Variants in CTNNA3 observed in about 807,000 individuals in gnomAD.
CTNNA3 encodes catenin alpha 3.
A neutral mutation model predicts 95.7 loss-of-function variants in CTNNA3; 76 were observed. That is an observed-to-expected ratio of 0.79 (90% CI 0.66 to 0.96). The LOEUF is 0.96. CTNNA3 is among the 40% of genes least tolerant of loss of function. The probability of loss-of-function intolerance (pLI) is 0.00; values close to 1 mark genes in which losing one functional copy is unlikely to be tolerated. For synonymous variants in CTNNA3, 431 were observed against 374.4 expected, an observed-to-expected ratio of 1.15 and a Z score of -1.74; for missense variants, 1,191 against 1,089.8, an observed-to-expected ratio of 1.09 and a Z score of -1.31.
chr10:67,270,797 T>A, intron 5 of CTNNA3, among the ~76,000 whole-genome samples: 1 of 152,320 alleles, frequency 6.6e-6, no homozygotes, highest in East Asian at 1.9e-4. Context: ...AGTTTTTATA[T>A]GTGACGCTAA....
chr10:66,779,429 T>C (rs1840443345), intron 7 of CTNNA3, among the ~76,000 whole-genome samples: 2 of 152,162 alleles, frequency 1.3e-5, no homozygotes, highest in African/African-American at 4.8e-5. Flanking sequence ...CCATCTCGGC[T>C]CACTGCAACC....
chr10:66,995,373 CT>C (rs1851271326), intron 7 of CTNNA3, among the ~76,000 whole-genome samples: 1 of 152,120 alleles, frequency 6.6e-6, no homozygotes, highest in Non-Finnish European at 1.5e-5. Context: ...CTGCCATAGC[CT>C]TGGTTCAAGT....
At chr10:66,855,586 C>A (rs4255440) in intron 7 of CTNNA3, among the ~76,000 whole-genome samples, 131,962 of 151,946 alleles carry the variant, frequency 0.87, 57,782 homozygotes, top group African/African-American at 0.97. Context: ...AGGCCAAATC[C>A]ATGTTTATTG....
intron 5 of CTNNA3, among the ~76,000 whole-genome samples, chr10:67,220,538 G>A (rs1864606483): frequency 6.6e-6 from 1 of 152,056 alleles, no homozygotes; most frequent in Non-Finnish European, 1.5e-5. Flanking sequence ...ACAAATATAC[G>A]AGATGATTTC....
At chr10:66,841,704 G>T (rs903085100) in intron 7 of CTNNA3, among the ~76,000 whole-genome samples, 1 of 152,180 alleles carries the variant, frequency 6.6e-6, no homozygotes, top group African/African-American at 2.4e-5. Flanking sequence ...TGTAATGAGT[G>T]AATAAAGCAT....
At chr10:66,685,306 T>TAC in intron 9 of CTNNA3, among the ~76,000 whole-genome samples, 1 of 71,148 alleles carries the variant, frequency 1.4e-5, no homozygotes, top group African/African-American at 8.4e-5. Flanking sequence ...TGTGTATATA[T>TAC]ATGTGTGTGT....
intron 10 of CTNNA3, among the ~76,000 whole-genome samples, chr10:66,597,550 A>G (rs1485111252): frequency 7.5e-6 from 1 of 133,146 alleles, no homozygotes; most frequent in East Asian, 2.6e-4. Context: ...ATATATATAT[A>G]TATATTTATT....
rs553499491 is a variant in CTNNA3, at chr10:67,407,685, A to G, written c.579+114157T>C. On this transcript the variant is annotated intron_variant, in intron 5 of 17. Transcript: ENST00000433211. ...GAAAACCCCACTGACTCACCCCAAA[A>G]GCTTCTTAAGGTGATAAGCAACTTC... 1.8e-3 allele frequency among the ~76,000 whole-genome samples: 277 copies of G among 152,336 alleles called. 1 individual carries two copies. The highest frequency in any genetic ancestry group is 6.4e-3 in the African/African-American group (265 of 41,580).
intron 7 of CTNNA3, among the ~76,000 whole-genome samples, chr10:66,803,890 C>T (rs1344716841): frequency 6.6e-6 from 1 of 151,194 alleles, no homozygotes. Flanking sequence ...TTTAACTTGC[C>T]AACAATTTTT....
chr10:66,270,101 C>A (rs1227858419), intron 13 of CTNNA3, among the ~76,000 whole-genome samples: 1 of 151,904 alleles, frequency 6.6e-6, no homozygotes, highest in Non-Finnish European at 1.5e-5. Flanking sequence ...TAAAATTTAA[C>A]AAAGTAACAT....
chr10:66,968,410 AAG>A (rs1849550022), intron 7 of CTNNA3, among the ~76,000 whole-genome samples: 1 of 144,538 alleles, frequency 6.9e-6, no homozygotes, highest in Non-Finnish European at 1.5e-5. Flanking sequence ...CATTAAGGGA[AAG>A]AAATTAAAAA....
At chr10:66,744,731 C>T (rs1047924878) in intron 9 of CTNNA3, among the ~76,000 whole-genome samples, 1 of 152,010 alleles carries the variant, frequency 6.6e-6, no homozygotes, top group South Asian at 2.1e-4. Flanking sequence ...CTAATCCATA[C>T]CCCTAAAATA....
At chr10:67,704,765 A>T (rs1444028108) in intron 1 of CTNNA3, among the ~76,000 whole-genome samples, 1 of 152,206 alleles carries the variant, frequency 6.6e-6, no homozygotes, top group Non-Finnish European at 1.5e-5. Flanking sequence ...ACAAAAGCCA[A>T]AATTGACAAA....
In CTNNA3 at chr10:65,960,595, G is replaced by C. The variant is rs187084114; in HGVS notation, c.2400+6017C>G. On this transcript the variant is annotated intron_variant, in intron 17 of 17. Transcript: ENST00000433211. ...CAAGGGTATATAGCATGATGCTGAG[G>C]TCTGGGCTTCTATTAATTTCATCTC... Among the ~76,000 whole-genome samples the C allele has an allele frequency of 8.5e-5, 13 of 152,300 alleles. No individual in the cohort carries two copies. In the East Asian group the frequency reaches 2.5e-3, roughly 29 times the overall value.
At chr10:67,471,064 G>T (rs1458315273) in intron 5 of CTNNA3, among the ~76,000 whole-genome samples, 3 of 152,070 alleles carry the variant, frequency 2.0e-5, no homozygotes, top group African/African-American at 7.2e-5. Flanking sequence ...TGATCTTCCT[G>T]CCTCAGCCTC....
intron 11 of CTNNA3, among the ~76,000 whole-genome samples, chr10:66,422,999 C>A (rs1195273661): frequency 6.6e-6 from 1 of 151,984 alleles, no homozygotes; most frequent in Non-Finnish European, 1.5e-5. Context: ...AGCTTTAACT[C>A]CTTCAATCCA....
chr10:66,528,049 C>T (rs1841331160), intron 10 of CTNNA3, among the ~76,000 whole-genome samples: 1 of 152,138 alleles, frequency 6.6e-6, no homozygotes, highest in Admixed American at 6.6e-5. Context: ...TGAAAGCACT[C>T]ACCAGCCTCC....
chr10:66,867,848 T>G (rs1844241030), intron 7 of CTNNA3, among the ~76,000 whole-genome samples: 1 of 149,826 alleles, frequency 6.7e-6, no homozygotes, highest in Non-Finnish European at 1.5e-5. Context: ...TTCACGTGTC[T>G]GCCACACAAA....
chr10:67,289,955 T>A (rs1448956080), intron 5 of CTNNA3, among the ~76,000 whole-genome samples: 2 of 151,414 alleles, frequency 1.3e-5, no homozygotes, highest in African/African-American at 4.9e-5. Flanking sequence ...ATATACCACA[T>A]GCCAGGCTAA....
Sources: gnomAD v4.1 joint callset for allele counts (sites outside exome capture counted in the v4.1 genomes callset) on GRCh38, gnomAD v4.1.1 for gene constraint, MANE v1.5 for transcripts, NCBI Gene and HGNC (gene_info 2026-07-23, HGNC 2026-07-21) for gene names.